KLHL36: variants seen among roughly 807,000 people sequenced by gnomAD.
The protein encoded by KLHL36 is kelch-like protein 36.
KLHL36 carries 35 observed loss-of-function variants against 53.3 expected under a neutral mutation model. The observed-to-expected ratio is 0.66, with a 90% CI of 0.50 to 0.87. The LOEUF (loss-of-function observed/expected upper bound fraction) is 0.87, where lower values mean the gene tolerates loss of function less well. Among genes scored for constraint, KLHL36 ranks in the 40% least tolerant of loss-of-function variants. KLHL36 has a pLI of 0.00. For missense variants in KLHL36, 864 were observed against 897.6 expected (o/e 0.96, Z 0.48); for synonymous variants, 472 against 398.9 (o/e 1.18, Z -2.18).
intron 2 of KLHL36, among the ~76,000 whole-genome samples, chr16:84,652,599 A>G (rs999539929): frequency 1.3e-5 from 2 of 152,136 alleles, no homozygotes; most frequent in African/African-American, 2.4e-5. Context: ...TAAAAAGTGT[A>G]CCCATTAATT....
chr16:84,659,223 A>G (rs1419150873), intron 3 of KLHL36: 1 of 152,324 alleles, frequency 6.6e-6, no homozygotes, highest in African/African-American at 2.4e-5. Context: ...GCTGGTCTCG[A>G]ACTCCGTGAC....
chr16:84,649,271 A>G (rs1906673950), intron 1 of KLHL36: 1 of 152,412 alleles, frequency 6.6e-6, no homozygotes, highest in Non-Finnish European at 1.5e-5. Context: ...ACCCCCACGC[A>G]CTTGCAGGAG....
rs766028929 is a variant in KLHL36, at chr16:84,657,872, A to G, written c.1065A>G (p.Ser355=). The part of the protein sequence containing the change: ...GFIFIAGGSF[S]RDNGGDAASN... ...TCTTCATCGCCGGCGGCAGCTTCTC[A>G]CGGGACAACGGAGGGGATGCGGCCT... Residue 355 remains serine, a synonymous_variant, in exon 3 of 5, where the codon TCA becomes TCG. Coordinates refer to ENST00000564996, the MANE Select transcript of KLHL36 (RefSeq NM_024731.4). 3.8e-6 allele frequency: 6 copies of G among 1,582,488 alleles called. No homozygotes were observed. The highest frequency in any genetic ancestry group is 5.2e-6 in the Non-Finnish European group (6 of 1,161,792).
Position 84,657,387 on chromosome 16 carries a change from T to C in KLHL36, c.580T>C (p.Cys194Arg), listed in dbSNP as rs772744864. The C allele has an allele frequency of 2.5e-6, 4 of 1,609,324 alleles. No individual in the cohort carries two copies. The highest frequency in any genetic ancestry group is 3.4e-6 in the Non-Finnish European group (4 of 1,179,994). ...FLQNVSMQKL[C>R]VYLSSSEVQR... ...GCAGAACGTCTCCATGCAGAAGCTG[T>C]GTGTCTACCTGAGCAGCAGCGAGGT... The change falls in exon 3 of 5, where the codon TGT becomes CGT. Residue 194 changes from cysteine (C) to arginine (R), a missense_variant. By Grantham distance (180) the Cys-to-Arg change is radical. Transcript: ENST00000564996.
rs1464885606 is a variant in KLHL36, at chr16:84,666,461, CCT to C, written c.*4329_*4330del. On this transcript the variant is annotated 3_prime_UTR_variant, in exon 5 of 5. Coordinates refer to ENST00000564996, the MANE Select transcript of KLHL36 (RefSeq NM_024731.4). ...TTTGCCAAGAGGAAACCTTAACCCC[CCT>C]GAGAGGGTCTGCGTTTCTTCTAGAG... is the stretch of plus-strand genomic sequence containing the variant. The C allele has an allele frequency of 1.3e-5, 2 of 152,132 alleles. No individual in the cohort carries two copies. Among genetic ancestry groups the C allele is most frequent in the Non-Finnish European group, 2.9e-5 (2 of 68,056 alleles). 9.4% of individuals were successfully genotyped at this position (152,132 alleles called of 1,614,324 possible).
At chr16:84,656,721 A>C (rs1424044557) in intron 2 of KLHL36, 150 bp from the exon 3 acceptor site, 3 of 627,236 alleles carry the variant, frequency 4.8e-6, no homozygotes, top group Non-Finnish European at 8.4e-6. Flanking sequence ...ACTCAGAAAC[A>C]CCTGTACTTC....
intron 4 of KLHL36, among the ~76,000 whole-genome samples, 194 bp downstream of exon 4, chr16:84,660,111 T>G (rs557061436): frequency 1.3e-5 from 2 of 152,248 alleles, no homozygotes; most frequent in East Asian, 3.9e-4. Context: ...GGTTTCAGAC[T>G]TAGGGCAAGG....
chr16:84,659,613 G>A (rs1907426106), intron 3 of KLHL36, 147 bp from the exon 4 acceptor site: 1 of 810,744 alleles, frequency 1.2e-6, no homozygotes, highest in African/African-American at 1.7e-5. Flanking sequence ...CCCACCTGAA[G>A]AAGCCCTCTT....
rs888226912 is a variant in KLHL36 at position 84,662,721 on chromosome 16, G to A, written c.*588G>A. ...AAATGAGTGCACAGAGACCACCCAT[G>A]AGGGTGAGTGAGTGAGTGACCAGGG... On this transcript the variant is annotated 3_prime_UTR_variant, in exon 5 of 5. Transcript: ENST00000564996. 1.3e-5 allele frequency: 2 copies of A among 152,338 alleles called. No individual in the cohort carries two copies. The highest frequency in any genetic ancestry group is 4.8e-5 in the African/African-American group (2 of 41,460). The allele number at this position is 152,338 out of a possible 1,614,324, so 9.4% of individuals were successfully genotyped here. A position where few individuals can be genotyped will look rare whatever the true frequency, so the allele number is the denominator to read the frequency against.
intron 3 of KLHL36, chr16:84,659,532 G>A (rs1597222015): frequency 2.0e-6 from 1 of 506,902 alleles, no homozygotes; most frequent in East Asian, 3.3e-5. Flanking sequence ...CCCCTTTTGG[G>A]GACTCAGAGC....
intron 4 of KLHL36, among the ~76,000 whole-genome samples, chr16:84,660,362 G>A (rs1432215451): frequency 6.6e-6 from 1 of 152,194 alleles, no homozygotes; most frequent in African/African-American, 2.4e-5. Context: ...GTTGTGCAGA[G>A]CAGATGCAGT....
At position 84,661,225 on chromosome 16, in the gene KLHL36, T is replaced by G. The variant is rs9925026; in HGVS notation, c.1296-353T>G. ...TATTTCCTCTTTGATGTGTGATTCA[T>G]CGGGTGCATGTGTGCCTGCTAGCTC... On this transcript the variant is annotated intron_variant, in intron 4 of 4. Coordinates refer to ENST00000564996, the MANE Select transcript of KLHL36 (RefSeq NM_024731.4). The surrounding 1 kb of genome is among the most constrained non-coding windows in gnomAD (Gnocchi z 7.9). 0.012 allele frequency among the ~76,000 whole-genome samples: 1,781 copies of G among 152,286 alleles called. 36 individuals are homozygous for G. The highest frequency in any genetic ancestry group is 0.041 in the African/African-American group (1,706 of 41,534).
In KLHL36 at chr16:84,659,904, G is replaced by A. The variant is rs146228982; in HGVS notation, c.1282G>A (p.Ala428Thr). Residue 428 changes from alanine to threonine, a missense_variant, in exon 4 of 5, where the codon GCC becomes ACC. Physicochemically the swap from Ala to Thr is moderately conservative, Grantham distance 58 (BLOSUM62 0). Transcript: ENST00000564996. Reference sequence around the variant, plus strand: ...CAAGACTGACTCCTGGTCCTATGTGGCCGGCTTGCCAAGGTGATCTGGGGC... The same window carrying A: ...CAAGACTGACTCCTGGTCCTATGTGACCGGCTTGCCAAGGTGATCTGGGGC... ...SPKTDSWSYV[A>T]GLPRFTYGHA... is the part of the protein sequence containing the mutation. 75 of 1,606,340 alleles carry A rather than the reference G, an allele frequency of 4.7e-5. No homozygotes were observed. The highest frequency in any genetic ancestry group is 6.1e-5 in the Non-Finnish European group (72 of 1,173,718).
intron 2 of KLHL36, among the ~76,000 whole-genome samples, chr16:84,653,602 A>G (rs1376721980): frequency 3.3e-5 from 5 of 152,112 alleles, no homozygotes; most frequent in Admixed American, 1.3e-4. Context: ...ATATATGTAT[A>G]TATGCCGGGA....
At position 84,657,854 on chromosome 16, in the gene KLHL36, C is replaced by T. The variant is rs776733336; in HGVS notation, c.1047C>T (p.Ile349=). ...CGGTGCTGGGGGGCTTCATCTTCAT[C>T]GCCGGCGGCAGCTTCTCACGGGACA... is the stretch of plus-strand genomic sequence containing the variant. ...CVAVLGGFIF[I]AGGSFSRDNG... is the part of the protein sequence containing the mutation. Residue 349 remains isoleucine, a synonymous_variant, in exon 3 of 5, where the codon ATC becomes ATT. Coordinates refer to ENST00000564996, the MANE Select transcript of KLHL36 (RefSeq NM_024731.4). 287 of 1,593,032 alleles carry T rather than the reference C, an allele frequency of 1.8e-4. No homozygotes were observed. The highest frequency in any genetic ancestry group is 2.3e-4 in the Non-Finnish European group (272 of 1,167,154).
At chr16:84,650,055 G>A (rs1335679551) in intron 1 of KLHL36, among the ~76,000 whole-genome samples, 1 of 149,236 alleles carries the variant, frequency 6.7e-6, no homozygotes, top group African/African-American at 2.5e-5. Context: ...AGAGTTAAGA[G>A]CATGGGCGCT....
At chr16:84,649,130 C>T (rs1906659530) in intron 1 of KLHL36, 1 of 152,292 alleles carries the variant, frequency 6.6e-6, no homozygotes, top group Non-Finnish European at 1.5e-5. Flanking sequence ...GCCTGCGGTC[C>T]CATGTTTACT....
chr16:84,654,656 G>A (rs572479551), intron 2 of KLHL36, among the ~76,000 whole-genome samples: 2 of 152,214 alleles, frequency 1.3e-5, no homozygotes, highest in African/African-American at 2.4e-5. Flanking sequence ...CGTTTTGTTC[G>A]TGTTGCCCAG....
Position 84,650,856 on chromosome 16 carries a change from G to A in KLHL36, c.-12G>A. The A allele has an allele frequency of 6.2e-7, 1 of 1,610,688 alleles. No individual in the cohort carries two copies. The highest frequency in any genetic ancestry group is 1.3e-5 in the African/African-American group (1 of 74,732). Reference sequence around the variant, plus strand: ...GAAATCCTGTTCTTCTCCTAGGGCTGAAATCTCTTTAATGATGGAGGGAAG... The same window carrying A: ...GAAATCCTGTTCTTCTCCTAGGGCTAAAATCTCTTTAATGATGGAGGGAAG... On this transcript the variant is annotated 5_prime_UTR_variant, in exon 2 of 5. Transcript: ENST00000564996.
Sources: gnomAD v4.1 joint callset for allele counts (sites outside exome capture counted in the v4.1 genomes callset) on GRCh38, gnomAD v4.1.1 for gene constraint, Gnocchi (gnomAD v3.1) non-coding constraint, MANE v1.5 for transcripts, NCBI Gene and HGNC (gene_info 2026-07-23, HGNC 2026-07-21) for gene names.